The following ATG2B variants were observed in gnomAD, a reference collection of about 807,000 sequenced individuals.
ATG2B encodes the protein autophagy-related protein 2 homolog B.
A neutral mutation model predicts 241.3 loss-of-function variants in ATG2B; 121 were observed. That is an observed-to-expected ratio of 0.50 (90% CI 0.43 to 0.58). ATG2B has a LOEUF of 0.58. Ranked by LOEUF, ATG2B falls within the 20% of genes least tolerant of loss-of-function variation. The probability of loss-of-function intolerance (pLI) is 0.00; values close to 1 mark genes in which losing one functional copy is unlikely to be tolerated. For synonymous variants in ATG2B, 858 were observed against 876.6 expected, an observed-to-expected ratio of 0.98 and a Z score of 0.37; for missense variants, 2,306 against 2,491.6, an observed-to-expected ratio of 0.93 and a Z score of 1.59.
intron 36 of ATG2B, among the ~76,000 whole-genome samples, chr14:96,294,208 G>C (rs935963967): frequency 5.3e-5 from 8 of 152,192 alleles, no homozygotes; most frequent in Non-Finnish European, 8.8e-5. Flanking sequence ...TAGAGAGAAA[G>C]AGAGAAATCA....
chr14:96,344,197 T>C (rs1888114330), intron 4 of ATG2B, among the ~76,000 whole-genome samples: 2 of 152,218 alleles, frequency 1.3e-5, no homozygotes, highest in South Asian at 4.1e-4. Context: ...ATATTAACCT[T>C]AAAATAATCC....
At chr14:96,313,581 A>G (rs1007345615) in intron 23 of ATG2B, 146 bp from the exon 24 acceptor site, 2 of 513,458 alleles carry the variant, frequency 3.9e-6, no homozygotes, top group African/African-American at 2.0e-5. Flanking sequence ...AAAAATCATC[A>G]TTTTGAAGGA....
At chr14:96,345,177 G>A in intron 3 of ATG2B, 56 bp downstream of exon 3, 1 of 1,404,740 alleles carries the variant, frequency 7.1e-7, no homozygotes, top group South Asian at 1.3e-5. Flanking sequence ...ATTACATGAA[G>A]GTACAAAACT....
At chr14:96,319,423 T>C (rs894425555) in intron 18 of ATG2B, among the ~76,000 whole-genome samples, 5 of 152,186 alleles carry the variant, frequency 3.3e-5, no homozygotes, top group African/African-American at 1.2e-4. Flanking sequence ...CAATTAGAAT[T>C]CTTTTTTATA....
At position 96,328,307 on chromosome 14, in the gene ATG2B, C is replaced by T. The variant is rs754578602; in HGVS notation, c.2163+40G>A. On this transcript the variant is annotated intron_variant, in intron 14 of 41. Coordinates refer to ENST00000359933, the MANE Select transcript of ATG2B (RefSeq NM_018036.7). ...TTATCTCAATAACCCTATTAGCTAA[C>T]CATAATTATGATTAGTATTTGCAGC... 4.3e-6 allele frequency: 6 copies of T among 1,409,766 alleles called. No individual in the cohort carries two copies. In the South Asian group the frequency reaches 6.8e-5, roughly 16 times the overall value. The allele number at this position is 1,409,766 out of a possible 1,614,324, so 87.3% of individuals were successfully genotyped here. A position where few individuals can be genotyped will look rare whatever the true frequency, so the allele number is the denominator to read the frequency against.
In ATG2B at chr14:96,313,345, A is replaced by AG; in HGVS notation, c.3732dup (p.Cys1245LeufsTer4). 6.3e-7 allele frequency: 1 copy of AG among 1,587,606 alleles called. No homozygotes were observed. Among genetic ancestry groups the AG allele is most frequent in the Non-Finnish European group, 8.5e-7 (1 of 1,171,566 alleles). ...TGAACTTACCTATAATCAAGTGCAC[A>AG]GCTCCAAAGATGAACATGAAAAGTT... is the stretch of plus-strand genomic sequence containing the variant. On this transcript the variant is annotated frameshift_variant, in exon 24 of 42. Coordinates refer to ENST00000359933, the MANE Select transcript of ATG2B (RefSeq NM_018036.7). LOFTEE classifies it high-confidence loss of function.
rs1886463852 is a variant in ATG2B at position 96,290,827 on chromosome 14, T to C, written c.5688A>G (p.Ser1896=). ...AAGAAAACTCACCTAATTGTACTAG[T>C]GAATGCATAGGTCCAACACCTCCCA... ...GILGGVGPMH[S]LVQLVQGLKD... The change falls in exon 39 of 42, where the codon TCA becomes TCG. Residue 1896 remains serine, a synonymous_variant. Coordinates refer to ENST00000359933, the MANE Select transcript of ATG2B (RefSeq NM_018036.7). This position sits in a 1 kb window ranked among gnomAD's most constrained non-coding sequence, Gnocchi z 4.4. The C allele has an allele frequency of 1.2e-6, 2 of 1,609,734 alleles. No individual in the cohort carries two copies. Among genetic ancestry groups the C allele is most frequent in the Non-Finnish European group, 1.7e-6 (2 of 1,178,934 alleles).
Position 96,306,874 on chromosome 14 carries a change from G to C in ATG2B, c.4346C>G (p.Ser1449Ter). ...EKSQIQEPCCSDLFLFPDESG... is the reference protein window; with the variant it reads ...EKSQIQEPCC ...CTCGTCAGGAAACAGGAAGAGGTCTGAACAACATGGCTCCTGAATTTGAGA... is the reference window on the plus strand; with the variant it reads ...CTCGTCAGGAAACAGGAAGAGGTCTCAACAACATGGCTCCTGAATTTGAGA... Residue 1449 changes from serine to a stop codon, truncating the protein, a stop_gained, in exon 30 of 42, where the codon TCA becomes TGA. Coordinates refer to ENST00000359933, the MANE Select transcript of ATG2B (RefSeq NM_018036.7). LOFTEE classifies it high-confidence loss of function. 6.2e-7 allele frequency: 1 copy of C among 1,613,934 alleles called. No homozygotes were observed. The highest frequency in any genetic ancestry group is 8.5e-7 in the Non-Finnish European group (1 of 1,179,980).
intron 6 of ATG2B, among the ~76,000 whole-genome samples, chr14:96,337,933 G>A (rs1887908865): frequency 6.6e-6 from 1 of 152,076 alleles, no homozygotes; most frequent in Non-Finnish European, 1.5e-5. Context: ...ATTTGTTTGT[G>A]CCATCTATTC....
rs752756711 is a variant in ATG2B, at chr14:96,290,977, T to C, written c.5580-42A>G. ...TTAGTATGTCAAAAGGAGAAATACA[T>C]TTATAGACACAGATTAGTTTGAGGG... On this transcript the variant is annotated intron_variant, in intron 38 of 41. Transcript: ENST00000359933. This position sits in a 1 kb window ranked among gnomAD's most constrained non-coding sequence, Gnocchi z 4.4. The C allele has an allele frequency of 1.9e-6, 3 of 1,555,932 alleles. No homozygotes were observed. Among genetic ancestry groups the C allele is most frequent in the Non-Finnish European group, 1.7e-6 (2 of 1,145,958 alleles).
In ATG2B at chr14:96,302,120, G is replaced by T; in HGVS notation, c.5038-12C>A. 6.4e-7 allele frequency: 1 copy of T among 1,556,844 alleles called. No homozygotes were observed. The highest frequency in any genetic ancestry group is 8.8e-7 in the Non-Finnish European group (1 of 1,131,590). On this transcript the variant is annotated splice_polypyrimidine_tract_variant and intron_variant, in intron 33 of 41. Coordinates refer to ENST00000359933, the MANE Select transcript of ATG2B (RefSeq NM_018036.7). ...GCTTTCACTGTCAACTACAAGGCAA[G>T]AAAGAGAATAACATTTTTCCCCAAT...
At chr14:96,304,971 T>C (rs1297332979) in intron 31 of ATG2B, among the ~76,000 whole-genome samples, 1 of 151,864 alleles carries the variant, frequency 6.6e-6, no homozygotes, top group Admixed American at 6.5e-5. Context: ...TCCCAACTAA[T>C]ACACAAAATA....
intron 34 of ATG2B, among the ~76,000 whole-genome samples, chr14:96,297,823 G>A (rs961004298): frequency 4.0e-5 from 6 of 151,864 alleles, no homozygotes; most frequent in African/African-American, 7.3e-5. Context: ...TGGGGGTCTC[G>A]CTCTGTCACC....
At position 96,343,260 on chromosome 14, in the gene ATG2B, A is replaced by G. The variant is rs1393154735; in HGVS notation, c.603T>C (p.Thr201=). 6.2e-7 allele frequency: 1 copy of G among 1,606,918 alleles called. No individual in the cohort carries two copies. The highest frequency in any genetic ancestry group is 8.5e-7 in the Non-Finnish European group (1 of 1,177,502). ...RIERTVYCDE[T]ADESSGINVH... ...CATTAATTCCTGAGGATTCGTCAGC[A>G]GTTTCATCACAGTACACAGTTCTGA... The change falls in exon 5 of 42, where the codon ACT becomes ACC. Residue 201 remains threonine, a synonymous_variant. Transcript: ENST00000359933.
rs754870777 is a variant in ATG2B at position 96,285,767 on chromosome 14, G to A, written c.6225C>T (p.His2075=). ...VRQDESQKWR[H]GDD ...CAGTTCCAAGCCATCAGTCATCCCC[G>A]TGGCGCCATTTCTGTGACTCGTCTT... Residue 2075 remains histidine (H), a synonymous_variant, in exon 42 of 42, where the codon CAC becomes CAT. Transcript: ENST00000359933. This position sits in a 1 kb window ranked among gnomAD's most constrained non-coding sequence, Gnocchi z 4.2. The A allele has an allele frequency of 1.9e-6, 3 of 1,613,594 alleles. No individual in the cohort carries two copies. Among genetic ancestry groups the A allele is most frequent in the Non-Finnish European group, 2.5e-6 (3 of 1,179,962 alleles).
intron 30 of ATG2B, 112 bp from the exon 31 acceptor site, chr14:96,305,927 T>G: frequency 1.3e-6 from 1 of 777,868 alleles, no homozygotes; most frequent in East Asian, 2.7e-5. Flanking sequence ...ATAATTCCAG[T>G]ATATAAAATA....
chr14:96,344,477 C>G (rs1042576981), intron 4 of ATG2B, among the ~76,000 whole-genome samples, 177 bp downstream of exon 4: 2 of 152,144 alleles, frequency 1.3e-5, no homozygotes, highest in African/African-American at 4.8e-5. Flanking sequence ...CTGGCACTTT[C>G]AAGTTTTCAA....
chr14:96,293,901 A>G (rs1886557925), intron 36 of ATG2B, among the ~76,000 whole-genome samples: 1 of 152,224 alleles, frequency 6.6e-6, no homozygotes, highest in African/African-American at 2.4e-5. Flanking sequence ...GTTTACAAAA[A>G]CCAAATTGGC....
At chr14:96,298,246 C>T (rs1280493) in intron 34 of ATG2B, among the ~76,000 whole-genome samples, 5,737 of 152,220 alleles carry the variant, frequency 0.038, 306 homozygotes, top group East Asian at 0.23. Flanking sequence ...ACAAAGCATC[C>T]CAGCTAAAAT....
Sources: gnomAD v4.1 joint callset for allele counts (sites outside exome capture counted in the v4.1 genomes callset) on GRCh38, gnomAD v4.1.1 for gene constraint, Gnocchi (gnomAD v3.1) non-coding constraint, MANE v1.5 for transcripts, NCBI Gene and HGNC (gene_info 2026-07-23, HGNC 2026-07-21) for gene names.